The following MSI2 variants were observed in gnomAD, a reference collection of about 807,000 sequenced individuals.
MSI2 encodes RNA-binding protein Musashi homolog 2.
MSI2 carries 17 observed loss-of-function variants against 45.6 expected under a neutral mutation model. The ratio of observed to expected loss-of-function variants is 0.37; its 90% CI spans 0.26 to 0.56. MSI2 has a LOEUF of 0.56. MSI2 is among the 20% of genes least tolerant of loss of function. The probability of loss-of-function intolerance (pLI) is 0.77; values close to 1 mark genes in which losing one functional copy is unlikely to be tolerated. For synonymous variants in MSI2, 156 were observed against 158.2 expected (o/e 0.99, Z 0.11); for missense variants, 293 against 444.2 (o/e 0.66, Z 3.06).
At chr17:57,291,134 T>C (rs1459397904) in intron 5 of MSI2, among the ~76,000 whole-genome samples, 1 of 152,218 alleles carries the variant, frequency 6.6e-6, no homozygotes, top group Non-Finnish European at 1.5e-5. Flanking sequence ...GCTGTGGGCC[T>C]GTTTTGCAGG....
intron 6 of MSI2, among the ~76,000 whole-genome samples, chr17:57,521,730 T>G (rs2086589485): frequency 6.6e-6 from 1 of 152,190 alleles, no homozygotes; most frequent in Non-Finnish European, 1.5e-5. Context: ...CGGCCTTGGC[T>G]GTACCCTGGA....
chr17:57,583,131 A>G (rs2088247722), intron 7 of MSI2, among the ~76,000 whole-genome samples: 1 of 152,194 alleles, frequency 6.6e-6, no homozygotes, highest in African/African-American at 2.4e-5. Context: ...CTTTTGTGGC[A>G]TGTGCTTGTA....
At chr17:57,354,847 A>T (rs73325447) in intron 5 of MSI2, among the ~76,000 whole-genome samples, 1 of 152,280 alleles carries the variant, frequency 6.6e-6, no homozygotes, top group African/African-American at 2.4e-5. Flanking sequence ...GTTGGAGAAG[A>T]TCTCTCTAGC....
chr17:57,398,164 T>G (rs2083924101), intron 5 of MSI2, among the ~76,000 whole-genome samples: 1 of 152,200 alleles, frequency 6.6e-6, no homozygotes. Flanking sequence ...GAATGAACAA[T>G]CTGTTGACTT....
chr17:57,593,304 A>G (rs1905003025), intron 7 of MSI2, among the ~76,000 whole-genome samples: 1 of 152,182 alleles, frequency 6.6e-6, no homozygotes, highest in Admixed American at 6.5e-5. Context: ...AAATTACCAC[A>G]AACTTCGTGG....
chr17:57,523,174 C>T (rs143347073), intron 6 of MSI2, among the ~76,000 whole-genome samples: 21,285 of 151,976 alleles, frequency 0.14, 1,521 homozygotes, highest in Middle Eastern at 0.22. Context: ...CAGCCTCCCG[C>T]GCAGCTGGGA....
intron 6 of MSI2, among the ~76,000 whole-genome samples, chr17:57,500,745 G>T (rs1373036094): frequency 6.8e-6 from 1 of 147,854 alleles, no homozygotes; most frequent in Non-Finnish European, 1.5e-5. Flanking sequence ...GGCTGAGCCA[G>T]GCAAATTGCT....
At chr17:57,575,430 A>C (rs1315172054) in intron 7 of MSI2, among the ~76,000 whole-genome samples, 2 of 152,152 alleles carry the variant, frequency 1.3e-5, no homozygotes, top group East Asian at 3.9e-4. Context: ...CAGTCGCTGC[A>C]TGGCTCTTCC....
At chr17:57,527,951 C>T (rs1308294891) in intron 6 of MSI2, among the ~76,000 whole-genome samples, 6 of 152,160 alleles carry the variant, frequency 3.9e-5, no homozygotes, top group Non-Finnish European at 8.8e-5. Flanking sequence ...GCATGAATAG[C>T]CCACGATTCC....
At chr17:57,605,228 G>A (rs535293006) in intron 8 of MSI2, among the ~76,000 whole-genome samples, 48 of 152,330 alleles carry the variant, frequency 3.2e-4, no homozygotes, top group Non-Finnish European at 5.6e-4. Context: ...ACGCAAGCGC[G>A]TGCACATGCT....
At chr17:57,395,221 CT>C (rs1486155994) in intron 5 of MSI2, among the ~76,000 whole-genome samples, 29 of 152,240 alleles carry the variant, frequency 1.9e-4, no homozygotes, top group African/African-American at 7.0e-4. Flanking sequence ...TCCAGGATAA[CT>C]TCATCTCAAG....
chr17:57,660,769 A>G (rs983041216), intron 11 of MSI2, among the ~76,000 whole-genome samples: 7 of 152,150 alleles, frequency 4.6e-5, no homozygotes, highest in African/African-American at 1.7e-4. Flanking sequence ...CCTCGGGACA[A>G]TGGAGTGAGG....
intron 6 of MSI2, among the ~76,000 whole-genome samples, chr17:57,439,622 G>C (rs1412771518): frequency 6.7e-6 from 1 of 150,238 alleles, no homozygotes; most frequent in African/African-American, 2.5e-5. Flanking sequence ...GCAGTGGCAC[G>C]ATCTTGGCTC....
In MSI2 at chr17:57,256,788, TC is replaced by T; in HGVS notation, c.49del (p.Gln17SerfsTer12). 1 of 1,478,464 alleles carries T rather than the reference TC, an allele frequency of 6.8e-7. No individual in the cohort carries two copies. The highest frequency in any genetic ancestry group is 9.0e-7 in the Non-Finnish European group (1 of 1,116,664). 91.6% of individuals were successfully genotyped at this position (1,478,464 alleles called of 1,614,324 possible). Reference sequence around the variant, plus strand: ...AGGCACCTCGGGCAGCGCCAACGACTCCCAGCACGACCCCGGGTAAGTTTCC... The same window carrying T: ...AGGCACCTCGGGCAGCGCCAACGACTCCAGCACGACCCCGGGTAAGTTTCC... The part of the protein sequence containing the change: ...SQGTSGSAND[S>X]QHDPGKMFIG... On this transcript the variant is annotated frameshift_variant, in exon 1 of 14. Transcript: ENST00000284073. LOFTEE classifies it high-confidence loss of function.
chr17:57,505,924 A>G (rs2086217932), intron 6 of MSI2, among the ~76,000 whole-genome samples: 1 of 152,202 alleles, frequency 6.6e-6, no homozygotes, highest in Admixed American at 6.5e-5. Context: ...TCTGTAGCTG[A>G]GACTTCTCTA....
chr17:57,365,165 A>G (rs1265567784), intron 5 of MSI2: 2 of 152,224 alleles, frequency 1.3e-5, no homozygotes, highest in Non-Finnish European at 2.9e-5. Context: ...TTCATTTGAA[A>G]GGAAACCTGA....
intron 5 of MSI2, among the ~76,000 whole-genome samples, chr17:57,379,263 C>T (rs144284171): frequency 5.9e-5 from 9 of 152,128 alleles, no homozygotes; most frequent in African/African-American, 2.2e-4. Context: ...CCACCTGCCT[C>T]TACTACTCGA....
intron 5 of MSI2, among the ~76,000 whole-genome samples, chr17:57,378,236 C>T (rs1164893820): frequency 1.3e-5 from 2 of 152,026 alleles, no homozygotes; most frequent in Non-Finnish European, 2.9e-5. Flanking sequence ...AGGCATGTAC[C>T]TCCATGTCCG....
At chr17:57,364,202 A>G (rs1247134274) in intron 5 of MSI2, among the ~76,000 whole-genome samples, 1 of 152,246 alleles carries the variant, frequency 6.6e-6, no homozygotes, top group East Asian at 1.9e-4. Flanking sequence ...GACCTCATGT[A>G]GGTGGTGAGG....
Sources: gnomAD v4.1 joint callset for allele counts (sites outside exome capture counted in the v4.1 genomes callset) on GRCh38, gnomAD v4.1.1 for gene constraint, MANE v1.5 for transcripts, NCBI Gene and HGNC (gene_info 2026-07-23, HGNC 2026-07-21) for gene names.